The following PCNX2 variants were observed in gnomAD, a reference collection of about 807,000 sequenced individuals.
The protein encoded by PCNX2 is pecanex 2.
A neutral mutation model predicts 223.8 loss-of-function variants in PCNX2; 168 were observed. That is an observed-to-expected ratio of 0.75 (90% confidence interval 0.66 to 0.85). PCNX2 has a LOEUF of 0.85. PCNX2 is among the 40% of genes least tolerant of loss of function. The pLI is 0.00. For missense variants in PCNX2, 2,507 were observed against 2,675.5 expected (o/e 0.94, Z 1.39); for synonymous variants, 1,006 against 1,052.6 (o/e 0.96, Z 0.86).
chr1:233,039,296 C>T (rs535063221), intron 25 of PCNX2, among the ~76,000 whole-genome samples: 19 of 152,218 alleles, frequency 1.2e-4, no homozygotes, highest in African/African-American at 4.1e-4. Context: ...ACGGATAGGC[C>T]GTGGACCTTG....
At chr1:233,048,793 T>C (rs964189971) in intron 25 of PCNX2, among the ~76,000 whole-genome samples, 5 of 152,080 alleles carry the variant, frequency 3.3e-5, no homozygotes, top group African/African-American at 1.2e-4. Context: ...ATGATCCAAA[T>C]AAGCACAATC....
upstream of PCNX2, among the ~76,000 whole-genome samples, chr1:233,300,040 T>C (rs1414197089): frequency 6.6e-6 from 1 of 152,136 alleles, no homozygotes; most frequent in Non-Finnish European, 1.5e-5. Flanking sequence ...CTTTGCATAC[T>C]GCATGTTTCT....
intron 32 of PCNX2, among the ~76,000 whole-genome samples, chr1:232,996,286 C>A (rs1669872929): frequency 1.3e-5 from 2 of 152,186 alleles, no homozygotes; most frequent in Admixed American, 1.3e-4. Flanking sequence ...TGGACTTTCT[C>A]CAGTCCACAC....
chr1:233,132,957 G>A (rs1383123517), intron 21 of PCNX2, among the ~76,000 whole-genome samples: 1 of 146,780 alleles, frequency 6.8e-6, no homozygotes, highest in African/African-American at 2.6e-5. Context: ...GGAGTGCAGT[G>A]GCGCAATCTC....
chr1:233,169,685 C>CA, intron 17 of PCNX2, among the ~76,000 whole-genome samples: 1 of 150,722 alleles, frequency 6.6e-6, no homozygotes, highest in African/African-American at 2.4e-5. Context: ...CCATAAATTG[C>CA]ATATAATAAG....
Position 233,258,282 on chromosome 1 carries a change from T to C in PCNX2, c.1580A>G (p.His527Arg), listed in dbSNP as rs1659844691. 7 of 1,614,070 alleles carry C rather than the reference T, an allele frequency of 4.3e-6. No individual in the cohort carries two copies. Among genetic ancestry groups the C allele is most frequent in the Non-Finnish European group, 5.1e-6 (6 of 1,179,902 alleles). ...SSCKSSHEKRHARVLSVDSGT... is the reference protein window; with the variant it reads ...SSCKSSHEKRRARVLSVDSGT... ...ACTGTCCACACTGAGCACCCGGGCA[T>C]GCCTCTTTTCATGGCTGGACTTACA... is the stretch of plus-strand genomic sequence containing the variant. Residue 527 changes from histidine (H) to arginine (R), a missense_variant, in exon 5 of 34, where the codon CAT (histidine) becomes CGT (arginine). Coordinates refer to ENST00000258229, the MANE Select transcript of PCNX2 (RefSeq NM_014801.4).
intron 17 of PCNX2, 55 bp downstream of exon 17, chr1:233,177,747 C>G (rs1323695314): frequency 1.4e-6 from 2 of 1,459,446 alleles, no homozygotes; most frequent in Admixed American, 1.7e-5. Context: ...AGAGCCTGAT[C>G]TCTGCTGAAA....
chr1:233,075,901 A>G (rs1198995563), intron 23 of PCNX2, among the ~76,000 whole-genome samples: 1 of 152,206 alleles, frequency 6.6e-6, no homozygotes. Flanking sequence ...TATTTTAAAT[A>G]CAGAATATGA....
At chr1:233,148,114 T>A (rs12064684) in intron 19 of PCNX2, among the ~76,000 whole-genome samples, 3,717 of 152,300 alleles carry the variant, frequency 0.024, 157 homozygotes, top group African/African-American at 0.084. Context: ...CTACCACTGC[T>A]TTCCATGGAT....
chr1:233,130,780 G>A (rs1239988377), intron 21 of PCNX2, among the ~76,000 whole-genome samples: 1 of 151,208 alleles, frequency 6.6e-6, no homozygotes, highest in African/African-American at 2.4e-5. Context: ...ACTGTGCCCG[G>A]CACCCCCCCC....
chr1:233,176,414 C>A (rs545493698), intron 17 of PCNX2, among the ~76,000 whole-genome samples: 12 of 152,274 alleles, frequency 7.9e-5, no homozygotes, highest in Non-Finnish European at 1.8e-4. Context: ...TGTGACCCAG[C>A]CATAAGTCTA....
intron 9 of PCNX2, among the ~76,000 whole-genome samples, chr1:233,228,902 G>A (rs555178772): frequency 2.0e-5 from 3 of 152,306 alleles, no homozygotes; most frequent in South Asian, 2.1e-4. Flanking sequence ...TGGATTTAAG[G>A]TTATGATTTC....
intron 8 of PCNX2, among the ~76,000 whole-genome samples, chr1:233,244,454 A>C (rs1002303982): frequency 5.3e-5 from 8 of 152,156 alleles, no homozygotes; most frequent in Non-Finnish European, 1.2e-4. Context: ...TCATGCCTAT[A>C]ATCCCAGAAC....
intron 21 of PCNX2, among the ~76,000 whole-genome samples, chr1:233,097,889 T>C (rs1674270298): frequency 6.6e-6 from 1 of 152,158 alleles, no homozygotes. Context: ...ACACATCAAG[T>C]GCCCAAGAGA....
At chr1:233,202,342 T>C (rs779594896) in intron 13 of PCNX2, 5 of 333,752 alleles carry the variant, frequency 1.5e-5, no homozygotes, top group African/African-American at 4.5e-5. Context: ...TTAATAATTA[T>C]AGTCAATGCA....
intron 28 of PCNX2, among the ~76,000 whole-genome samples, chr1:233,010,698 A>G (rs907258417): frequency 6.6e-6 from 1 of 152,234 alleles, no homozygotes; most frequent in Admixed American, 6.5e-5. Context: ...TCTAAAAAAT[A>G]TAAGTGTCTT....
chr1:233,180,676 A>G (rs1679738972), intron 15 of PCNX2: 1 of 152,140 alleles, frequency 6.6e-6, no homozygotes, highest in Non-Finnish European at 1.5e-5. Flanking sequence ...TACATGCTTC[A>G]TTTTCCTAGA....
At chr1:233,279,725 TA>T (rs1315662917) in intron 1 of PCNX2, among the ~76,000 whole-genome samples, 1 of 152,204 alleles carries the variant, frequency 6.6e-6, no homozygotes. Flanking sequence ...ACTACATATA[TA>T]ATAATTTCAA....
chr1:233,059,566 T>C (rs1023496907), intron 23 of PCNX2, among the ~76,000 whole-genome samples: 5 of 132,994 alleles, frequency 3.8e-5, no homozygotes, highest in Admixed American at 3.5e-4. Flanking sequence ...TACATCTCTT[T>C]GTGTAATTAT....
Sources: gnomAD v4.1 joint callset for allele counts (sites outside exome capture counted in the v4.1 genomes callset) on GRCh38, gnomAD v4.1.1 for gene constraint, MANE v1.5 for transcripts, NCBI Gene and HGNC (gene_info 2026-07-23, HGNC 2026-07-21) for gene names.